The following RTL4 variants were observed in gnomAD, a reference collection of about 807,000 sequenced individuals.
The protein encoded by RTL4 is retrotransposon Gag like 4.
RTL4 carries 4 observed loss-of-function variants against 5.3 expected under a neutral mutation model. That is an observed-to-expected ratio of 0.75 (90% CI 0.37 to 1.72). The LOEUF (loss-of-function observed/expected upper bound fraction) is 1.72. Ranked by LOEUF, RTL4 falls within the 40% of genes most tolerant of loss-of-function variation. RTL4 has a pLI of 0.04. For synonymous variants in RTL4, 98 were observed against 87.3 expected, an observed-to-expected ratio of 1.12 and a Z score of -0.68; for missense variants, 260 against 227.1, an observed-to-expected ratio of 1.14 and a Z score of -0.93.
chrX:112,358,202 G>T, the RTL4 span, among the ~76,000 whole-genome samples: 3 of 110,305 alleles, frequency 2.7e-5, no homozygotes, highest in Non-Finnish European at 5.7e-5. Context: ...TGGGGTTCAG[G>T]TGATCCTCCC....
chrX:112,333,376 C>T, the RTL4 span, among the ~76,000 whole-genome samples: 20 of 110,782 alleles, frequency 1.8e-4, no homozygotes, highest in African/African-American at 6.2e-4. Context: ...CTATTAGGTC[C>T]TCTTAGCATG....
chrX:112,292,994 C>G, the RTL4 span, among the ~76,000 whole-genome samples: 29,874 of 111,111 alleles, frequency 0.27, 3,509 homozygotes, highest in African/African-American at 0.42. Flanking sequence ...TACTGTGCTT[C>G]TGAAAGCTTC....
At chrX:112,125,829 AAT>A in the RTL4 span, among the ~76,000 whole-genome samples, 1 of 111,929 alleles carries the variant, frequency 8.9e-6, no homozygotes, top group African/African-American at 3.2e-5. Context: ...ACTAGATATC[AAT>A]ACTCTACAAG....
exon 1 of RTL4, chrX:112,455,741 G>A: frequency 1.1e-6 from 1 of 940,857 alleles, no homozygotes; most frequent in Non-Finnish European, 1.4e-6. Context: ...TTAAAATACA[G>A]ATGGGGAACT....
the RTL4 span, among the ~76,000 whole-genome samples, chrX:112,297,966 G>A: frequency 9.0e-6 from 1 of 111,676 alleles, no homozygotes; most frequent in Non-Finnish European, 1.9e-5. Context: ...AATCATGTCT[G>A]TATACAAAGT....
chrX:112,155,713 C>T, the RTL4 span, among the ~76,000 whole-genome samples: 28 of 111,517 alleles, frequency 2.5e-4, no homozygotes, highest in Non-Finnish European at 4.3e-4. Flanking sequence ...ATAAATGCTT[C>T]TTAGATTGTT....
chrX:112,338,467 C>CA, the RTL4 span, among the ~76,000 whole-genome samples: 2 of 111,578 alleles, frequency 1.8e-5, no homozygotes, highest in Admixed American at 9.5e-5. Flanking sequence ...AAGTGACTGA[C>CA]AAAAAAATCA....
At chrX:112,222,843 A>G in the RTL4 span, among the ~76,000 whole-genome samples, 1 of 112,836 alleles carries the variant, frequency 8.9e-6, no homozygotes, top group Non-Finnish European at 1.9e-5. Flanking sequence ...CCCCTGGTAT[A>G]CTGCTGACAA....
chrX:112,292,614 A>T, the RTL4 span, among the ~76,000 whole-genome samples: 1 of 111,871 alleles, frequency 8.9e-6, no homozygotes, highest in Non-Finnish European at 1.9e-5. Flanking sequence ...TTAATATAGG[A>T]TCTGATTTGT....
chrX:112,210,243 T>C, the RTL4 span, among the ~76,000 whole-genome samples: 3 of 112,346 alleles, frequency 2.7e-5, no homozygotes, highest in South Asian at 3.7e-4. Flanking sequence ...TAGTGGTTAA[T>C]AATGTGATGT....
chrX:112,381,394 G>C, the RTL4 span: 1 of 1,207,918 alleles, frequency 8.3e-7, no homozygotes, highest in East Asian at 3.0e-5. Flanking sequence ...TGGCGGAAAT[G>C]ACGGATCTGA....
At chrX:112,306,285 T>C in the RTL4 span, among the ~76,000 whole-genome samples, 3 of 110,808 alleles carry the variant, frequency 2.7e-5, no homozygotes, top group Non-Finnish European at 5.7e-5. Context: ...ATTCTGGGAG[T>C]AAGCTACGGT....
chrX:112,211,874 A>G, the RTL4 span, among the ~76,000 whole-genome samples: 1 of 112,140 alleles, frequency 8.9e-6, no homozygotes, highest in African/African-American at 3.2e-5. Flanking sequence ...TGATGAAACA[A>G]ATAAAATAAA....
chrX:112,104,844 G>C, the RTL4 span, among the ~76,000 whole-genome samples: 1 of 111,506 alleles, frequency 9.0e-6, no homozygotes, highest in African/African-American at 3.3e-5. Flanking sequence ...CCATTCTGTA[G>C]ATTGTCTCTT....
chrX:112,450,165 G>T (rs1926710779), upstream of RTL4, among the ~76,000 whole-genome samples: 1 of 112,195 alleles, frequency 8.9e-6, no homozygotes, highest in Non-Finnish European at 1.9e-5. Context: ...CTTATAAGCA[G>T]CAGGGTACTG....
chrX:112,184,427 C>A, the RTL4 span, among the ~76,000 whole-genome samples: 1 of 112,006 alleles, frequency 8.9e-6, no homozygotes, highest in Non-Finnish European at 1.9e-5. Flanking sequence ...TTGAACAGGA[C>A]AAGTATTTTA....
the RTL4 span, among the ~76,000 whole-genome samples, chrX:112,132,418 C>T: frequency 9.0e-6 from 1 of 111,543 alleles, no homozygotes. Flanking sequence ...GCCCATTCCA[C>T]TCATAAAAAC....
chrX:112,427,938 C>A, the RTL4 span, among the ~76,000 whole-genome samples: 1 of 108,197 alleles, frequency 9.2e-6, no homozygotes, highest in African/African-American at 3.4e-5. Context: ...CCCTTCCCCT[C>A]TGAGTCCCCG....
the RTL4 span, among the ~76,000 whole-genome samples, chrX:112,122,252 A>C: frequency 2.7e-5 from 3 of 112,160 alleles, no homozygotes; most frequent in African/African-American, 9.7e-5. Flanking sequence ...ATTCAGCCAT[A>C]AAAATAATGA....
Sources: gnomAD v4.1 joint callset for allele counts (sites outside exome capture counted in the v4.1 genomes callset) on GRCh38, gnomAD v4.1.1 for gene constraint, MANE v1.5 for transcripts, NCBI Gene and HGNC (gene_info 2026-07-23, HGNC 2026-07-21) for gene names.